FRMPD4: variants seen among roughly 807,000 people sequenced by gnomAD.
FRMPD4 encodes FERM and PDZ domain-containing protein 4.
FRMPD4 carries 22 observed loss-of-function variants against 94.1 expected under a neutral mutation model. That is an observed-to-expected ratio of 0.23 (90% CI 0.17 to 0.33). The LOEUF is 0.33. Among genes scored for constraint, FRMPD4 ranks in the 10% least tolerant of loss-of-function variants. The pLI is 1.00. For missense variants in FRMPD4, 1,111 were observed against 1,339.9 expected, an observed-to-expected ratio of 0.83 and a Z score of 2.67; for synonymous variants, 631 against 548.6, an observed-to-expected ratio of 1.15 and a Z score of -2.10.
chrX:11,974,601 T>G, intron 3 of FRMPD4, among the ~76,000 whole-genome samples: 1 of 112,190 alleles, frequency 8.9e-6, no homozygotes, highest in Non-Finnish European at 1.9e-5. Flanking sequence ...CCCAGAAGTT[T>G]AAGAGGTATG....
At chrX:11,917,438 C>G (rs1207895131) in intron 3 of FRMPD4, among the ~76,000 whole-genome samples, 1 of 111,988 alleles carries the variant, frequency 8.9e-6, no homozygotes, top group Non-Finnish European at 1.9e-5. Flanking sequence ...GACACCTGTG[C>G]TTGTATGTTC....
At chrX:12,333,591 C>T (rs1306012871) in intron 1 of FRMPD4, among the ~76,000 whole-genome samples, 1 of 111,855 alleles carries the variant, frequency 8.9e-6, no homozygotes, top group Non-Finnish European at 1.9e-5. Context: ...TTTATAATTT[C>T]TGCAAAATTT....
At chrX:11,944,642 G>C (rs1178937143) in intron 3 of FRMPD4, among the ~76,000 whole-genome samples, 1 of 111,401 alleles carries the variant, frequency 9.0e-6, no homozygotes, top group African/African-American at 3.3e-5. Flanking sequence ...TAATCGGGAG[G>C]CTGCAGCTTC....
chrX:12,146,481 G>GAC (rs36068561), intron 1 of FRMPD4, among the ~76,000 whole-genome samples: 16,955 of 108,507 alleles, frequency 0.16, 1,029 homozygotes, highest in South Asian at 0.33. Flanking sequence ...CACATACAGA[G>GAC]ACACACACAC....
Position 11,861,881 on chromosome X carries a change from C to T in FRMPD4, c.-160-3205C>T, listed in dbSNP as rs754860224. ...TTATAAAGAAAAGAGGTTTAGTTGG[C>T]TTATGGTTCCATAGGCTGTACAGGA... On this transcript the variant is annotated intron_variant, in intron 1 of 18. Coordinates refer to the FRMPD4 transcript ENST00000640291. 2.7e-5 allele frequency among the ~76,000 whole-genome samples: 3 copies of T among 111,816 alleles called. No individual in the cohort carries two copies. The Admixed American group carries it at 2.8e-4, about 11-fold the overall frequency.
chrX:11,954,264 G>A (rs2054242287), intron 3 of FRMPD4, among the ~76,000 whole-genome samples: 1 of 112,043 alleles, frequency 8.9e-6, no homozygotes, highest in Non-Finnish European at 1.9e-5. Flanking sequence ...ACATAACAGA[G>A]ATTTAAAAAA....
At chrX:12,499,592 G>A (rs1224832978) in intron 2 of FRMPD4, among the ~76,000 whole-genome samples, 1 of 112,356 alleles carries the variant, frequency 8.9e-6, no homozygotes, top group African/African-American at 3.2e-5. Context: ...ATCTGCTCTA[G>A]GGACCTCATA....
At chrX:12,377,712 G>A (rs1404821330) in intron 1 of FRMPD4, among the ~76,000 whole-genome samples, 2 of 112,662 alleles carry the variant, frequency 1.8e-5, no homozygotes, top group Admixed American at 9.4e-5. Context: ...TTTCAGGTGC[G>A]TGTGACTGGG....
In FRMPD4 at chrX:12,230,148, A is replaced by G. The variant is rs180874374; in HGVS notation, c.41+91136A>G. ...TGTTGGCTCTCACCCATGCACTGCA[A>G]TTCAGTAGAATTAAATTATGTCTGC... On this transcript the variant is annotated intron_variant, in intron 1 of 16. Transcript: ENST00000675598. Among the ~76,000 whole-genome samples, 3 of 111,480 alleles carry G rather than the reference A, an allele frequency of 2.7e-5. No homozygotes were observed. In the Admixed American group the frequency reaches 2.9e-4, roughly 11 times the overall value.
At chrX:11,975,600 A>AT (rs201647830) in intron 3 of FRMPD4, among the ~76,000 whole-genome samples, 5 of 111,322 alleles carry the variant, frequency 4.5e-5, no homozygotes, top group Non-Finnish European at 7.6e-5. Context: ...AGATAACTAA[A>AT]TTTTTTTTTG....
chrX:12,084,911 GA>G (rs1227405726), intron 3 of FRMPD4, among the ~76,000 whole-genome samples: 1 of 112,211 alleles, frequency 8.9e-6, no homozygotes, highest in Admixed American at 9.4e-5. Context: ...GGTAGAGCGA[GA>G]AAAGTGTTGG....
chrX:12,309,510 G>A (rs945278985), intron 1 of FRMPD4, among the ~76,000 whole-genome samples: 3 of 112,071 alleles, frequency 2.7e-5, no homozygotes, highest in African/African-American at 9.7e-5. Flanking sequence ...AAAATAAGCT[G>A]ATTTGATCAT....
intron 3 of FRMPD4, among the ~76,000 whole-genome samples, chrX:12,081,286 A>G (rs1357798041): frequency 9.0e-6 from 1 of 111,696 alleles, no homozygotes; most frequent in Non-Finnish European, 1.9e-5. Context: ...GGCTAATAGT[A>G]TCTTTCTTTT....
At chrX:12,630,898 A>G (rs1221991179) in intron 4 of FRMPD4, among the ~76,000 whole-genome samples, 1 of 111,694 alleles carries the variant, frequency 9.0e-6, no homozygotes, top group African/African-American at 3.3e-5. Context: ...TCAATCACAT[A>G]AAGTCCGTAA....
intron 14 of FRMPD4, among the ~76,000 whole-genome samples, chrX:12,711,932 T>A (rs144733836): frequency 9.0e-6 from 1 of 111,271 alleles, no homozygotes; most frequent in South Asian, 3.9e-4. Flanking sequence ...CACAGTTTAT[T>A]ATGATGGCCA....
chrX:12,694,038 G>C (rs774593016), intron 8 of FRMPD4, among the ~76,000 whole-genome samples: 1 of 111,287 alleles, frequency 9.0e-6, no homozygotes. Context: ...AGGCACCCTT[G>C]CTTGGCTTCC....
At chrX:12,375,761 A>T (rs2056228591) in intron 1 of FRMPD4, among the ~76,000 whole-genome samples, 1 of 112,150 alleles carries the variant, frequency 8.9e-6, no homozygotes, top group Non-Finnish European at 1.9e-5. Context: ...ACAGCTGGCA[A>T]TTCTGAAGGC....
At chrX:12,409,346 G>T (rs62590562) in intron 1 of FRMPD4, among the ~76,000 whole-genome samples, 29,193 of 110,534 alleles carry the variant, frequency 0.26, 3,062 homozygotes, top group Non-Finnish European at 0.31. Flanking sequence ...ATTTGTTATG[G>T]TGCTGCAGTT....
At chrX:12,486,495 A>C (rs2057740757) in intron 1 of FRMPD4, among the ~76,000 whole-genome samples, 1 of 112,534 alleles carries the variant, frequency 8.9e-6, no homozygotes. Context: ...AAACATTCAC[A>C]GTTGCAGATA....
Sources: allele counts gnomAD v4.1 joint callset (sites outside exome capture counted in the v4.1 genomes callset), GRCh38; gene constraint gnomAD v4.1.1; transcripts MANE v1.5; gene names NCBI Gene and HGNC (gene_info 2026-07-23, HGNC 2026-07-21).